ADARB2: variants seen among roughly 807,000 people sequenced by gnomAD.
ADARB2 encodes adenosine deaminase RNA specific B2 (inactive).
ADARB2 carries 25 observed loss-of-function variants against 62.2 expected under a neutral mutation model. The ratio of observed to expected loss-of-function variants is 0.40; its 90% CI spans 0.29 to 0.56. ADARB2 has a LOEUF of 0.56. ADARB2 is among the 20% of genes least tolerant of loss of function. The pLI, the probability that ADARB2 is intolerant of heterozygous loss-of-function variation, is 0.43. For synonymous variants in ADARB2, 572 were observed against 500.8 expected (o/e 1.14, Z -1.90); for missense variants, 1,071 against 1,077.4 (o/e 0.99, Z 0.08).
At chr10:1,367,865 A>G (rs11250468) in intron 2 of ADARB2, among the ~76,000 whole-genome samples, 40,991 of 152,204 alleles carry the variant, frequency 0.27, 6,253 homozygotes, top group Middle Eastern at 0.43. Context: ...TCCTGACTCA[A>G]TGTCCTACGA....
Position 1,648,528 on chromosome 10 carries a change from C to T in ADARB2, c.100+88523G>A, listed in dbSNP as rs148925745. ...TAAATCACGTTGTGCTTGGAATCGTCCCTGCCTACGCTCGAGAACTGTTCA... is the reference window on the plus strand; with the variant it reads ...TAAATCACGTTGTGCTTGGAATCGTTCCTGCCTACGCTCGAGAACTGTTCA... On this transcript the variant is annotated intron_variant, in intron 1 of 9. Coordinates refer to ENST00000381312, the MANE Select transcript of ADARB2 (RefSeq NM_018702.4). 2.4e-4 allele frequency among the ~76,000 whole-genome samples: 37 copies of T among 152,282 alleles called. No homozygotes were observed. In the East Asian group the frequency reaches 6.0e-3, roughly 25 times the overall value.
At chr10:1,365,162 G>A (rs1000028234) in intron 2 of ADARB2, among the ~76,000 whole-genome samples, 4 of 152,168 alleles carry the variant, frequency 2.6e-5, no homozygotes, top group South Asian at 4.2e-4. Flanking sequence ...GAGAGCCACC[G>A]CGCCTGGCCA....
At chr10:1,532,644 G>A (rs1460781390) in intron 1 of ADARB2, among the ~76,000 whole-genome samples, 1 of 152,212 alleles carries the variant, frequency 6.6e-6, no homozygotes, top group Non-Finnish European at 1.5e-5. Flanking sequence ...GGGCCAGTGA[G>A]ACACCAAGAG....
At chr10:1,412,902 G>A (rs914517195) in intron 1 of ADARB2, among the ~76,000 whole-genome samples, 4 of 152,190 alleles carry the variant, frequency 2.6e-5, no homozygotes, top group Admixed American at 6.5e-5. Context: ...TGACTTTAAC[G>A]TAGGTTCCTT....
chr10:1,614,687 G>A (rs1019074186), intron 1 of ADARB2, among the ~76,000 whole-genome samples: 6 of 152,170 alleles, frequency 3.9e-5, no homozygotes, highest in Admixed American at 2.6e-4. Flanking sequence ...CGAGGCGGGC[G>A]GATCACGAGT....
chr10:1,195,549 G>C (rs1000701463), intron 8 of ADARB2, among the ~76,000 whole-genome samples: 1 of 152,106 alleles, frequency 6.6e-6, no homozygotes, highest in African/African-American at 2.4e-5. Flanking sequence ...TCATGCCAGA[G>C]AAAGCTCAGA....
In ADARB2 at chr10:1,331,168, T is replaced by G. The variant is rs544326943; in HGVS notation, c.1077+31860A>C. 1.9e-4 allele frequency among the ~76,000 whole-genome samples: 29 copies of G among 152,334 alleles called. No homozygotes were observed. In the South Asian group the frequency reaches 5.6e-3, roughly 29 times the overall value. The stretch of plus-strand genomic sequence containing the variant: ...AGAAATTGGAACCCTCATACATTTC[T>G]GATGGGATTCAAAATGATGCAACCA... On this transcript the variant is annotated intron_variant, in intron 3 of 9. Transcript: ENST00000381312.
intron 3 of ADARB2, among the ~76,000 whole-genome samples, chr10:1,277,328 T>G (rs527328839): frequency 1.4e-4 from 21 of 152,160 alleles, no homozygotes; most frequent in Non-Finnish European, 2.8e-4. Flanking sequence ...GCTGGTTTTT[T>G]GAAAGGATCA....
chr10:1,220,600 A>G (rs1830686512), intron 6 of ADARB2, among the ~76,000 whole-genome samples: 1 of 152,190 alleles, frequency 6.6e-6, no homozygotes, highest in South Asian at 2.1e-4. Flanking sequence ...TTACCACAAT[A>G]TTAGGGACTT....
At chr10:1,529,886 T>C (rs1832202031) in intron 1 of ADARB2, among the ~76,000 whole-genome samples, 2 of 110,286 alleles carry the variant, frequency 1.8e-5, no homozygotes, top group African/African-American at 3.0e-5. Flanking sequence ...ACACGTCCAC[T>C]GCCCCCTGCC....
At chr10:1,531,098 G>A (rs555796447) in intron 1 of ADARB2, among the ~76,000 whole-genome samples, 2 of 152,338 alleles carry the variant, frequency 1.3e-5, no homozygotes, top group East Asian at 3.9e-4. Flanking sequence ...GCGATCCACA[G>A]CCTACCATGT....
At position 1,271,004 on chromosome 10, in the gene ADARB2, C is replaced by T. The variant is rs760991235; in HGVS notation, c.1143G>A (p.Thr381=). 61 of 1,612,958 alleles carry T rather than the reference C, an allele frequency of 3.8e-5. No individual in the cohort carries two copies. Among genetic ancestry groups the T allele is most frequent in the Middle Eastern group, 1.7e-4 (1 of 6,004 alleles). ...GCGCTTTATGGCGGGCGTGCATGGG[C>T]GTGAGGTCCGTCGTCACCTCGCGGA... The part of the protein sequence containing the change: ...QKFREVTTDL[T]PMHARHKALA... The change falls in exon 4 of 10, where the codon ACG becomes ACA. Residue 381 remains threonine (T), a synonymous_variant. Transcript: ENST00000381312.
intron 1 of ADARB2, among the ~76,000 whole-genome samples, chr10:1,451,076 T>C (rs552334595): frequency 2.0e-5 from 3 of 152,166 alleles, no homozygotes; most frequent in Non-Finnish European, 4.4e-5. Context: ...AATAACCATG[T>C]CCTCATAGCC....
chr10:1,666,433 C>T (rs193098275), intron 1 of ADARB2, among the ~76,000 whole-genome samples: 10 of 152,348 alleles, frequency 6.6e-5, no homozygotes, highest in South Asian at 4.1e-4. Flanking sequence ...TGACCAGACG[C>T]GGCTTTGCTA....
At chr10:1,594,284 C>T (rs1258523406) in intron 1 of ADARB2, among the ~76,000 whole-genome samples, 1 of 152,086 alleles carries the variant, frequency 6.6e-6, no homozygotes, top group African/African-American at 2.4e-5. Flanking sequence ...GAGCAAGACT[C>T]CATCTCAAAA....
intron 1 of ADARB2, among the ~76,000 whole-genome samples, chr10:1,506,952 C>T (rs1303837695): frequency 6.6e-6 from 1 of 152,192 alleles, no homozygotes; most frequent in Non-Finnish European, 1.5e-5. Context: ...GGTCGGAGGC[C>T]AGGATGTCAG....
rs954065417 is a variant in ADARB2 at position 1,190,073 on chromosome 10, A to G, written c.1865-5034T>C. Among the ~76,000 whole-genome samples, 4 of 152,106 alleles carry G rather than the reference A, an allele frequency of 2.6e-5. 1 individual carries two copies. Among genetic ancestry groups the G allele is most frequent in the African/African-American group, 9.7e-5 (4 of 41,332 alleles). On this transcript the variant is annotated intron_variant, in intron 8 of 9. Transcript: ENST00000381312. ...GAGCCTGTGTCGTCTGAACTCAGAA[A>G]ACGTGAGCATCAGGCCAGCTGAGCT... is the stretch of plus-strand genomic sequence containing the variant.
intron 1 of ADARB2, among the ~76,000 whole-genome samples, chr10:1,456,875 G>A (rs7073364): frequency 0.86 from 131,007 of 151,996 alleles, 57,123 homozygotes; most frequent in Middle Eastern, 0.95. Flanking sequence ...GCTCACTGCA[G>A]CCTCCCCATC....
intron 1 of ADARB2, among the ~76,000 whole-genome samples, chr10:1,609,910 C>G (rs773800952): frequency 1.3e-5 from 2 of 152,248 alleles, no homozygotes; most frequent in East Asian, 1.9e-4. Flanking sequence ...TGACAGTCCC[C>G]GTCTGCCCTC....
Sources: allele counts gnomAD v4.1 joint callset (sites outside exome capture counted in the v4.1 genomes callset), GRCh38; gene constraint gnomAD v4.1.1; transcripts MANE v1.5; gene names NCBI Gene and HGNC (gene_info 2026-07-23, HGNC 2026-07-21).